Variants in PRKN observed in about 807,000 individuals in gnomAD.
PRKN encodes the protein E3 ubiquitin-protein ligase parkin.
A neutral mutation model predicts 59.5 loss-of-function variants in PRKN; 56 were observed. The ratio of observed to expected loss-of-function variants is 0.94; its 90% CI spans 0.76 to 1.18. The LOEUF (loss-of-function observed/expected upper bound fraction) is 1.18, where lower values mean the gene tolerates loss of function less well. PRKN is among the 50% of genes most tolerant of loss of function. PRKN has a pLI of 0.00. For missense variants in PRKN, 657 were observed against 596.4 expected (o/e 1.10, Z -1.06); for synonymous variants, 250 against 222.1 (o/e 1.13, Z -1.12).
At chr6:162,448,676 AG>A (rs1394676408) in intron 1 of PRKN, among the ~76,000 whole-genome samples, 1 of 152,090 alleles carries the variant, frequency 6.6e-6, no homozygotes, top group African/African-American at 2.4e-5. Flanking sequence ...GGAGCATCCC[AG>A]GAGTCTGAAT....
rs1334009162 is a variant in PRKN at position 161,581,597 on chromosome 6, C to T, written c.872-12181G>A. On this transcript the variant is annotated intron_variant, in intron 7 of 11. Transcript: ENST00000366898. This position sits in a 1 kb window ranked among gnomAD's most constrained non-coding sequence, Gnocchi z 4.5. ...TCAGAAGCAAAGACTTACTTATGGA[C>T]AAGGTGAAGGGCGTTGGGCCTATGT... is the stretch of plus-strand genomic sequence containing the variant. 2.6e-5 allele frequency among the ~76,000 whole-genome samples: 4 copies of T among 152,078 alleles called. No homozygotes were observed. The South Asian group carries it at 8.3e-4, about 32-fold the overall frequency.
intron 7 of PRKN, among the ~76,000 whole-genome samples, chr6:161,680,748 TATATATATA>T (rs1785297118): frequency 7.9e-5 from 1 of 12,722 alleles, no homozygotes; most frequent in African/African-American, 2.2e-4. Flanking sequence ...TATATATATA[TATATATATA>T]TATATATATA....
At chr6:162,628,420 C>T (rs1360137034) in intron 1 of PRKN, among the ~76,000 whole-genome samples, 2 of 152,150 alleles carry the variant, frequency 1.3e-5, no homozygotes, top group Non-Finnish European at 2.9e-5. Flanking sequence ...TTTTGCTGTA[C>T]ACTTTCAGAT....
rs780417025 is a variant in PRKN, at chr6:161,569,386, A to C, written c.902T>G (p.Leu301Arg). Residue 301 changes from leucine to arginine, a missense_variant, in exon 8 of 12, where the codon CTC (leucine) becomes CGC (arginine). By Grantham distance (102) the Leu-to-Arg change is moderately radical (BLOSUM62 -2). Coordinates refer to ENST00000366898, the MANE Select transcript of PRKN (RefSeq NM_004562.3). ...AGCPNSLIKELHHFRILGEEQ... is the reference protein window; with the variant it reads ...AGCPNSLIKERHHFRILGEEQ... ...TTCTCCCAGAATCCTGAAGTGATGG[A>C]GCTCTTTAATCAAGGAGTTGGGACA... is the stretch of plus-strand genomic sequence containing the variant. The C allele has an allele frequency of 6.2e-7, 1 of 1,614,002 alleles. No homozygotes were observed. Among genetic ancestry groups the C allele is most frequent in the South Asian group, 1.1e-5 (1 of 91,082 alleles).
At chr6:162,401,302 A>G (rs534594097) in intron 2 of PRKN, among the ~76,000 whole-genome samples, 1 of 152,112 alleles carries the variant, frequency 6.6e-6, no homozygotes. Context: ...TCACTGGGAA[A>G]AAAAAAAACC....
chr6:162,301,350 C>T (rs1205326429), intron 2 of PRKN, among the ~76,000 whole-genome samples: 1 of 152,078 alleles, frequency 6.6e-6, no homozygotes, highest in Admixed American at 6.6e-5. Context: ...TTCTGATTGC[C>T]TTTCACTCAC....
chr6:161,632,349 A>G (rs1216521714), intron 7 of PRKN, among the ~76,000 whole-genome samples: 1 of 152,222 alleles, frequency 6.6e-6, no homozygotes, highest in African/African-American at 2.4e-5. Flanking sequence ...CCAGGCAGAC[A>G]CAGGCATCTG....
At chr6:162,533,249 C>T (rs547270458) in intron 1 of PRKN, among the ~76,000 whole-genome samples, 2 of 152,254 alleles carry the variant, frequency 1.3e-5, no homozygotes, top group South Asian at 2.1e-4. Context: ...TATGGCTGGG[C>T]GCGGTGGCTC....
intron 1 of PRKN, among the ~76,000 whole-genome samples, chr6:162,666,207 T>G (rs1779097281): frequency 6.6e-6 from 1 of 152,186 alleles, no homozygotes; most frequent in South Asian, 2.1e-4. Context: ...AGTTTTTGTT[T>G]CTATCATGTG....
At chr6:162,584,239 CAA>C (rs55866145) in intron 1 of PRKN, among the ~76,000 whole-genome samples, 25,324 of 117,928 alleles carry the variant, frequency 0.21, 2,793 homozygotes, top group East Asian at 0.46. Flanking sequence ...AAACAAAAAA[CAA>C]AAAACAAAAA....
intron 7 of PRKN, among the ~76,000 whole-genome samples, chr6:161,710,876 C>T (rs1459910327): frequency 1.7e-5 from 2 of 116,008 alleles, no homozygotes; most frequent in Admixed American, 1.1e-4. Context: ...TCCTTCCTTC[C>T]TTCCTTCTCT....
chr6:162,508,739 A>G (rs1793712377), intron 1 of PRKN, among the ~76,000 whole-genome samples: 1 of 152,120 alleles, frequency 6.6e-6, no homozygotes, highest in Non-Finnish European at 1.5e-5. Flanking sequence ...AGAAGCCTCT[A>G]TCTAATACTA....
At chr6:162,293,563 G>C (rs561389546) in intron 2 of PRKN, among the ~76,000 whole-genome samples, 80 of 152,274 alleles carry the variant, frequency 5.3e-4, no homozygotes, top group Middle Eastern at 3.4e-3. Context: ...TGTCCCATTG[G>C]GGGGCCCCAC....
intron 9 of PRKN, among the ~76,000 whole-genome samples, chr6:161,427,841 A>G (rs1788455380): frequency 6.6e-6 from 1 of 152,136 alleles, no homozygotes; most frequent in Non-Finnish European, 1.5e-5. Flanking sequence ...AGATTTCCAT[A>G]TGCTGTGGCT....
In PRKN at chr6:161,544,659, G is replaced by T. The variant is rs960899454; in HGVS notation, c.1083+4195C>A. Reference sequence around the variant, plus strand: ...AACACTGCAGCTTGAATTCTGGGAGGTAGTACTTTCAAATAATTCTTTATA... The same window carrying T: ...AACACTGCAGCTTGAATTCTGGGAGTTAGTACTTTCAAATAATTCTTTATA... On this transcript the variant is annotated intron_variant, in intron 9 of 11. Transcript: ENST00000366898. The surrounding 1 kb of genome is among the most constrained non-coding windows in gnomAD (Gnocchi z 5.5). Among the ~76,000 whole-genome samples the T allele has an allele frequency of 1.3e-5, 2 of 152,120 alleles. No homozygotes were observed. Among genetic ancestry groups the T allele is most frequent in the Non-Finnish European group, 2.9e-5 (2 of 68,030 alleles).
At chr6:161,494,335 G>A (rs988005663) in intron 9 of PRKN, among the ~76,000 whole-genome samples, 4 of 152,126 alleles carry the variant, frequency 2.6e-5, no homozygotes, top group African/African-American at 9.7e-5. Flanking sequence ...CTACTTCAAA[G>A]CCTCAACAAA....
At chr6:162,164,440 G>T (rs368273090) in intron 4 of PRKN, among the ~76,000 whole-genome samples, 3 of 148,472 alleles carry the variant, frequency 2.0e-5, no homozygotes, top group East Asian at 3.9e-4. Context: ...TCGAACTGCC[G>T]ACCTCAGGCA....
chr6:162,271,604 TGTTTGGTCACTGC>T (rs1562630185), intron 2 of PRKN: 1 of 152,134 alleles, frequency 6.6e-6, no homozygotes, highest in Non-Finnish European at 1.5e-5. Flanking sequence ...AGAACTATTT[TGTTTGGTCACTGC>T]TAACAATGAA....
intron 5 of PRKN, among the ~76,000 whole-genome samples, chr6:162,024,648 G>A (rs78488752): frequency 0.013 from 1,964 of 152,250 alleles, 38 homozygotes; most frequent in African/African-American, 0.045. Flanking sequence ...CTTGTAAAGC[G>A]AATTGTTGTC....
Sources: gnomAD v4.1 joint callset for allele counts (sites outside exome capture counted in the v4.1 genomes callset) on GRCh38, gnomAD v4.1.1 for gene constraint, Gnocchi (gnomAD v3.1) non-coding constraint, MANE v1.5 for transcripts, NCBI Gene and HGNC (gene_info 2026-07-23, HGNC 2026-07-21) for gene names.